The following ZFAT variants were observed in gnomAD, a reference collection of about 807,000 sequenced individuals.
ZFAT encodes the protein zinc finger protein ZFAT.
Under a neutral mutation model 117.7 loss-of-function variants are expected in ZFAT, and 64 were observed. That is an observed-to-expected ratio of 0.54 (90% CI 0.44 to 0.67). ZFAT has a LOEUF of 0.67. ZFAT is among the 30% of genes least tolerant of loss of function. The probability of loss-of-function intolerance (pLI) is 0.00; values close to 1 mark genes in which losing one functional copy is unlikely to be tolerated. For synonymous variants in ZFAT, 679 were observed against 615.0 expected (o/e 1.10, Z -1.54); for missense variants, 1,433 against 1,584.5 (o/e 0.90, Z 1.62).
intron 9 of ZFAT, 94 bp from the exon 10 acceptor site, chr8:134,584,099 C>T (rs1352014945): frequency 1.6e-6 from 2 of 1,279,664 alleles, no homozygotes; most frequent in Non-Finnish European, 1.1e-6. Context: ...TATCTAAATA[C>T]ACTTATAGAT....
chr8:134,607,430 C>T (rs1827971167), intron 5 of ZFAT, among the ~76,000 whole-genome samples: 1 of 152,232 alleles, frequency 6.6e-6, no homozygotes, highest in African/African-American at 2.4e-5. Context: ...ATCTCTTATT[C>T]TCACTACTAA....
At chr8:134,615,038 G>A (rs182712926) in intron 3 of ZFAT, among the ~76,000 whole-genome samples, 27 of 152,202 alleles carry the variant, frequency 1.8e-4, no homozygotes, top group African/African-American at 6.5e-4. Context: ...AAGAGCAGGG[G>A]ACAGAACACC....
the ZFAT span, chr8:134,794,428 T>TA: frequency 1.3e-5 from 2 of 152,240 alleles, no homozygotes; most frequent in African/African-American, 4.8e-5. Context: ...TTCTCTAATA[T>TA]AACCTGCTCT....
chr8:134,738,901 A>G, the ZFAT span, among the ~76,000 whole-genome samples: 1 of 152,162 alleles, frequency 6.6e-6, no homozygotes, highest in African/African-American at 2.4e-5. Context: ...AAGGCACAGA[A>G]CCTGTGCTCA....
chr8:134,778,930 G>A, the ZFAT span, among the ~76,000 whole-genome samples: 1 of 152,230 alleles, frequency 6.6e-6, no homozygotes, highest in African/African-American at 2.4e-5. Flanking sequence ...GCTTAACTCA[G>A]TGGTCTTGGA....
chr8:134,583,939 T>C lies in ZFAT; in HGVS notation c.2780A>G (p.His927Arg). Residue 927 changes from histidine (H) to arginine (R), a missense_variant, in exon 10 of 16, where the codon CAT becomes CGT. Around this residue, in one of 5 missense-constraint regions of ZFAT, gnomAD observed 503 missense variants for 543.4 expected, o/e 0.93. Coordinates refer to ENST00000377838, the MANE Select transcript of ZFAT (RefSeq NM_020863.4). ...ATRSKSNLKA[H>R]MNRHSTEKTH... Reference sequence around the variant, plus strand: ...TTTCTCAGTGCTGTGACGATTCATATGAGCCTTGAGGTTACTCTTGCTACG... The same window carrying C: ...TTTCTCAGTGCTGTGACGATTCATACGAGCCTTGAGGTTACTCTTGCTACG... 1 of 1,592,156 alleles carries C rather than the reference T, an allele frequency of 6.3e-7. No homozygotes were observed.
intron 1 of ZFAT, among the ~76,000 whole-genome samples, chr8:134,698,477 G>T (rs1195497876): frequency 6.6e-6 from 1 of 152,188 alleles, no homozygotes; most frequent in Non-Finnish European, 1.5e-5. Flanking sequence ...TCTTGCTAAA[G>T]AATTCTGAAC....
At chr8:134,794,617 A>AT in the ZFAT span, 4 of 152,320 alleles carry the variant, frequency 2.6e-5, no homozygotes, top group Middle Eastern at 3.4e-3. Flanking sequence ...AGGCTTAATC[A>AT]TTTTTTAATA....
At chr8:134,663,112 T>A (rs1832019703) in intron 1 of ZFAT, among the ~76,000 whole-genome samples, 1 of 152,202 alleles carries the variant, frequency 6.6e-6, no homozygotes, top group Non-Finnish European at 1.5e-5. Flanking sequence ...TTTTCCTCCT[T>A]GAGATCCTGC....
At chr8:134,822,470 A>G in the ZFAT span, among the ~76,000 whole-genome samples, 1 of 152,066 alleles carries the variant, frequency 6.6e-6, no homozygotes, top group Non-Finnish European at 1.5e-5. Flanking sequence ...CTCATCTTCA[A>G]CTCACAGCTT....
At chr8:134,688,234 C>G (rs1833427552) in intron 1 of ZFAT, among the ~76,000 whole-genome samples, 1 of 152,230 alleles carries the variant, frequency 6.6e-6, no homozygotes, top group Admixed American at 6.5e-5. Flanking sequence ...ACAGCTAAAG[C>G]TACCTACTGG....
intron 3 of ZFAT, among the ~76,000 whole-genome samples, chr8:134,628,222 T>A (rs548756000): frequency 1.3e-5 from 2 of 152,014 alleles, no homozygotes; most frequent in Admixed American, 1.3e-4. Context: ...TCATTGAAGG[T>A]CAAGCATATT....
chr8:134,643,993 G>T (rs1226503022), intron 2 of ZFAT, among the ~76,000 whole-genome samples: 1 of 152,216 alleles, frequency 6.6e-6, no homozygotes, highest in Non-Finnish European at 1.5e-5. Flanking sequence ...GCCCAGAAGA[G>T]ACAACATACA....
chr8:134,595,180 A>T (rs1260015880), intron 7 of ZFAT, among the ~76,000 whole-genome samples: 1 of 152,240 alleles, frequency 6.6e-6, no homozygotes, highest in Non-Finnish European at 1.5e-5. Context: ...ACACACACTG[A>T]CAGATAAACA....
intron 10 of ZFAT, among the ~76,000 whole-genome samples, chr8:134,582,600 T>A (rs867164077): frequency 8.0e-5 from 11 of 137,278 alleles, no homozygotes; most frequent in African/African-American, 4.0e-4. Context: ...TGATTATGGA[T>A]TTTTTTTAGA....
At chr8:134,781,032 T>G in the ZFAT span, among the ~76,000 whole-genome samples, 33 of 148,584 alleles carry the variant, frequency 2.2e-4, no homozygotes, top group African/African-American at 4.4e-4. Flanking sequence ...TTTTGTGGGG[T>G]TTTTTTTGGA....
Position 134,600,248 on chromosome 8 carries a change from C to T in ZFAT, c.2475+188G>A, listed in dbSNP as rs555052907. ...TATTCCATCTAATCTCTTTTTTCAACGTATTAGAGACTCTTGCTGTGAAAG... is the reference window on the plus strand; with the variant it reads ...TATTCCATCTAATCTCTTTTTTCAATGTATTAGAGACTCTTGCTGTGAAAG... On this transcript the variant is annotated intron_variant, in intron 7 of 15. Transcript: ENST00000377838. The T allele has an allele frequency of 5.8e-4, 376 of 646,456 alleles. 1 individual carries two copies. In the African/African-American group the frequency reaches 5.9e-3, roughly 10 times the overall value. 40.0% of individuals were successfully genotyped at this position (646,456 alleles called of 1,614,324 possible). A position where few individuals can be genotyped will look rare whatever the true frequency, so the allele number is the denominator to read the frequency against.
At chr8:134,623,238 C>A (rs1077224) in intron 3 of ZFAT, among the ~76,000 whole-genome samples, 41,623 of 152,126 alleles carry the variant, frequency 0.27, 6,163 homozygotes, top group East Asian at 0.37. Context: ...GAACTCCCTG[C>A]ATCACTCATC....
intron 15 of ZFAT, among the ~76,000 whole-genome samples, chr8:134,479,511 A>G (rs1227122857): frequency 2.0e-5 from 3 of 152,214 alleles, no homozygotes; most frequent in African/African-American, 4.8e-5. Context: ...TTAAATAACA[A>G]CTGTCTTTGA....
Sources: gnomAD v4.1 joint callset for allele counts (sites outside exome capture counted in the v4.1 genomes callset) on GRCh38, gnomAD v4.1.1 for gene constraint, gnomAD v4.1.1 regional missense constraint, MANE v1.5 for transcripts, NCBI Gene and HGNC (gene_info 2026-07-23, HGNC 2026-07-21) for gene names.